The following PDK1 variants were observed in gnomAD, a reference collection of about 807,000 sequenced individuals.
PDK1 encodes [Pyruvate dehydrogenase (acetyl-transferring)] kinase isozyme 1, mitochondrial.
A neutral mutation model predicts 54.2 loss-of-function variants in PDK1; 39 were observed. The observed-to-expected ratio is 0.72, with a 90% CI of 0.56 to 0.94. The LOEUF is 0.94. PDK1 is among the 40% of genes least tolerant of loss of function. The pLI, the probability that PDK1 is intolerant of heterozygous loss-of-function variation, is 0.00. For synonymous variants in PDK1, 221 were observed against 207.1 expected, an observed-to-expected ratio of 1.07 and a Z score of -0.58; for missense variants, 552 against 566.0, an observed-to-expected ratio of 0.98 and a Z score of 0.25.
the PDK1 span, among the ~76,000 whole-genome samples, chr2:172,640,086 C>T: frequency 6.6e-6 from 1 of 152,162 alleles, no homozygotes; most frequent in South Asian, 2.1e-4. Context: ...AGTGGACAAA[C>T]CATAAAGCCG....
At chr2:172,686,475 T>C in the PDK1 span, among the ~76,000 whole-genome samples, 1 of 152,128 alleles carries the variant, frequency 6.6e-6, no homozygotes, top group African/African-American at 2.4e-5. Context: ...ATCAGCACAC[T>C]GTAAAATGGA....
chr2:172,595,792 T>C, intron 10 of PDK1, 37 bp from the exon 11 acceptor site: 2 of 1,573,658 alleles, frequency 1.3e-6, no homozygotes, highest in Non-Finnish European at 1.7e-6. Context: ...TTCTAAAAAA[T>C]GCCAGACTTA....
At chr2:172,574,640 G>T (rs1239444885) in intron 8 of PDK1, among the ~76,000 whole-genome samples, 1 of 152,094 alleles carries the variant, frequency 6.6e-6, no homozygotes, top group Non-Finnish European at 1.5e-5. Flanking sequence ...ACAAGTCTTG[G>T]ACTTTTAAAT....
rs35661499 is a variant in PDK1, at chr2:172,562,281, G to A, written c.400G>A (p.Ala134Thr). 1.1e-3 allele frequency: 1,788 copies of A among 1,589,744 alleles called. 25 individuals are homozygous for A. In the African/African-American group the frequency reaches 0.021, roughly 19 times the overall value. The stretch of plus-strand genomic sequence containing the variant: ...GGACAAAAGTGCTGAGGATGCTAAA[G>A]CTATTTATGAGTAAGTTCACTATTT... ...FKDKSAEDAK[A>T]IYDFTDTVIR... The change falls in exon 3 of 11, where the codon GCT becomes ACT. Residue 134 changes from alanine to threonine, a missense_variant. Coordinates refer to ENST00000282077, the MANE Select transcript of PDK1 (RefSeq NM_002610.5).
At position 172,606,857 on chromosome 2, in the gene PDK1, G is replaced by GA. The variant is rs1420692441; in HGVS notation, c.*10888_*10889insA. The GA allele has an allele frequency of 1.3e-5, 2 of 151,390 alleles. No individual in the cohort carries two copies. The highest frequency in any genetic ancestry group is 4.9e-5 in the African/African-American group (2 of 41,096). 9.4% of individuals were successfully genotyped at this position (151,390 alleles called of 1,614,324 possible). A position where few individuals can be genotyped will look rare whatever the true frequency, so the allele number is the denominator to read the frequency against. ...AATGTGCAATCACCACCTCTGTCTA[G>GA]TTCCAAAACATTTTTATCACCCTAA... On this transcript the variant is annotated 3_prime_UTR_variant, in exon 11 of 11. Transcript: ENST00000282077.
the PDK1 span, among the ~76,000 whole-genome samples, chr2:172,627,533 A>G: frequency 1.1e-4 from 16 of 152,242 alleles, no homozygotes; most frequent in South Asian, 6.2e-4. Flanking sequence ...TAAAAGATCT[A>G]GGAAATTCAC....
chr2:172,670,244 A>G, the PDK1 span, among the ~76,000 whole-genome samples: 1 of 152,236 alleles, frequency 6.6e-6, no homozygotes, highest in Admixed American at 6.5e-5. Context: ...TGTAAATTTT[A>G]CACAGATTTT....
the PDK1 span, among the ~76,000 whole-genome samples, chr2:172,714,648 C>T: frequency 6.6e-6 from 1 of 151,940 alleles, no homozygotes; most frequent in Non-Finnish European, 1.5e-5. Context: ...TAAAATGTTA[C>T]TAGAACTATA....
At chr2:172,613,109 A>AT (rs1553488757), downstream of PDK1, among the ~76,000 whole-genome samples, 2 of 152,240 alleles carry the variant, frequency 1.3e-5, no homozygotes, top group Non-Finnish European at 2.9e-5. Flanking sequence ...AGTACTGGGC[A>AT]TAGAGAACCT....
chr2:172,593,746 G>A (rs144993153), intron 10 of PDK1, among the ~76,000 whole-genome samples: 2 of 152,128 alleles, frequency 1.3e-5, no homozygotes, highest in Non-Finnish European at 2.9e-5. Flanking sequence ...CACTTAGTCT[G>A]CTTGCCTGGA....
chr2:172,659,761 C>G, the PDK1 span, among the ~76,000 whole-genome samples: 1 of 152,212 alleles, frequency 6.6e-6, no homozygotes, highest in Non-Finnish European at 1.5e-5. Flanking sequence ...CTTTAACAGG[C>G]TCTCCTGGCT....
At position 172,558,491 on chromosome 2, in the gene PDK1, A is replaced by G. The variant is rs973529319; in HGVS notation, c.197-217A>G. ...GTAATTGCTGTACAGAGCCATTGGA[A>G]TGTCAGTAATTGGAAGGTCATAACT... is the stretch of plus-strand genomic sequence containing the variant. On this transcript the variant is annotated intron_variant, in intron 1 of 10. Transcript: ENST00000282077. Among the ~76,000 whole-genome samples the G allele has an allele frequency of 7.2e-5, 11 of 152,208 alleles. 1 individual carries two copies. The highest frequency in any genetic ancestry group is 2.7e-4 in the African/African-American group (11 of 41,436).
At chr2:172,666,826 A>G in the PDK1 span, among the ~76,000 whole-genome samples, 1 of 152,298 alleles carries the variant, frequency 6.6e-6, no homozygotes, top group Non-Finnish European at 1.5e-5. Context: ...AGAACAAGAG[A>G]GCTGAACATA....
chr2:172,678,916 G>T, the PDK1 span: 4 of 152,224 alleles, frequency 2.6e-5, no homozygotes, highest in East Asian at 7.7e-4. Context: ...AAGGGGGTCC[G>T]CAGGCAAAGT....
the PDK1 span, among the ~76,000 whole-genome samples, chr2:172,622,231 ATAT>A: frequency 8.9e-6 from 1 of 111,816 alleles, no homozygotes; most frequent in Admixed American, 8.8e-5. Flanking sequence ...TATATCTCAT[ATAT>A]TATGTGAGAT....
chr2:172,698,809 T>C, the PDK1 span, among the ~76,000 whole-genome samples: 1 of 152,206 alleles, frequency 6.6e-6, no homozygotes, highest in African/African-American at 2.4e-5. Flanking sequence ...GCCCAGGGCC[T>C]CCCAAGACCA....
chr2:172,670,445 A>T, the PDK1 span, among the ~76,000 whole-genome samples: 1 of 152,184 alleles, frequency 6.6e-6, no homozygotes. Flanking sequence ...ATGTTTACAC[A>T]TGGAAATTTA....
At chr2:172,719,530 G>C in the PDK1 span, among the ~76,000 whole-genome samples, 1 of 151,998 alleles carries the variant, frequency 6.6e-6, no homozygotes, top group African/African-American at 2.4e-5. Flanking sequence ...ATGTCTCAGT[G>C]GGTTTTTATT....
At chr2:172,556,494 T>G in intron 1 of PDK1, 148 bp downstream of exon 1, 1 of 503,550 alleles carries the variant, frequency 2.0e-6, no homozygotes, top group East Asian at 3.6e-5. Context: ...CCTTAGGTGC[T>G]TCCTTCCTCC....
Sources: allele counts gnomAD v4.1 joint callset (sites outside exome capture counted in the v4.1 genomes callset), GRCh38; gene constraint gnomAD v4.1.1; transcripts MANE v1.5; gene names NCBI Gene and HGNC (gene_info 2026-07-23, HGNC 2026-07-21).